Variants in RUNX1 observed in about 807,000 individuals in gnomAD.
The protein encoded by RUNX1 is RUNX family transcription factor 1, also known as runt-related transcription factor 1.
A neutral mutation model predicts 42.8 loss-of-function variants in RUNX1; 19 were observed. The observed-to-expected ratio is 0.44, with a 90% confidence interval of 0.31 to 0.65. The LOEUF (loss-of-function observed/expected upper bound fraction) is 0.65. Among genes scored for constraint, RUNX1 ranks in the 30% least tolerant of loss-of-function variants. The pLI is 0.07. For missense variants in RUNX1, 528 were observed against 672.0 expected, an observed-to-expected ratio of 0.79 and a Z score of 2.37; for synonymous variants, 271 against 289.4, an observed-to-expected ratio of 0.94 and a Z score of 0.64.
At chr21:34,880,247 T>C (rs567849097) in intron 5 of RUNX1, among the ~76,000 whole-genome samples, 2 of 152,366 alleles carry the variant, frequency 1.3e-5, no homozygotes, top group East Asian at 3.9e-4. Flanking sequence ...ATAATCCTAG[T>C]TTCATTAAAG....
chr21:35,046,760 T>C (rs1431166943), intron 2 of RUNX1, among the ~76,000 whole-genome samples: 2 of 152,174 alleles, frequency 1.3e-5, no homozygotes, highest in Non-Finnish European at 2.9e-5. Flanking sequence ...CTTGGCCCTC[T>C]GACATCAAAT....
intron 2 of RUNX1, among the ~76,000 whole-genome samples, chr21:34,904,973 G>A (rs950785144): frequency 4.8e-5 from 7 of 146,448 alleles, no homozygotes; most frequent in Non-Finnish European, 1.0e-4. Flanking sequence ...AGACTTCTAA[G>A]GAGGAAAGAA....
chr21:34,798,011 TTGTGAAGCTCTTAGAAGGCATTC>T (rs778661211), intron 8 of RUNX1: 21 of 456,348 alleles, frequency 4.6e-5, no homozygotes, highest in African/African-American at 3.4e-4. Flanking sequence ...AGTACTGCCG[TTGTGAAGCTCTTAGAAGGCATTC>T]TGTGAAGCTC....
At chr21:34,934,867 T>A (rs2058473857) in intron 2 of RUNX1, among the ~76,000 whole-genome samples, 1 of 152,172 alleles carries the variant, frequency 6.6e-6, no homozygotes, top group Admixed American at 6.5e-5. Flanking sequence ...GGAGGCTTCA[T>A]AGGTTGAAGA....
At chr21:34,882,349 T>G (rs1347372481) in intron 4 of RUNX1, among the ~76,000 whole-genome samples, 1 of 151,696 alleles carries the variant, frequency 6.6e-6, no homozygotes, top group African/African-American at 2.4e-5. Flanking sequence ...CTATGAGAGA[T>G]GAACATACTT....
chr21:34,923,282 A>G (rs1209943307), intron 2 of RUNX1, among the ~76,000 whole-genome samples: 1 of 152,204 alleles, frequency 6.6e-6, no homozygotes, highest in Non-Finnish European at 1.5e-5. Context: ...AAGATGAAAT[A>G]TCTATATTTA....
intron 7 of RUNX1, among the ~76,000 whole-genome samples, chr21:34,831,592 A>G (rs1177588616): frequency 6.6e-6 from 1 of 152,230 alleles, no homozygotes; most frequent in Non-Finnish European, 1.5e-5. Flanking sequence ...AAAGCTGAAA[A>G]ACATTCATGC....
At chr21:35,020,570 C>A (rs866763018) in intron 2 of RUNX1, among the ~76,000 whole-genome samples, 3 of 152,242 alleles carry the variant, frequency 2.0e-5, no homozygotes, top group Middle Eastern at 3.4e-3. Context: ...CATGAGCACC[C>A]ACAAACATTG....
chr21:35,032,926 C>T (rs952286552), intron 2 of RUNX1, among the ~76,000 whole-genome samples: 1 of 152,212 alleles, frequency 6.6e-6, no homozygotes, highest in African/African-American at 2.4e-5. Flanking sequence ...GCCATAAGCA[C>T]AGGACTGGTG....
chr21:34,918,371 A>G (rs1190393094), intron 2 of RUNX1, among the ~76,000 whole-genome samples: 1 of 152,102 alleles, frequency 6.6e-6, no homozygotes, highest in Non-Finnish European at 1.5e-5. Flanking sequence ...AATGTAGCTG[A>G]TCATTATCAG....
chr21:34,948,106 G>A (rs1210059920), intron 2 of RUNX1, among the ~76,000 whole-genome samples: 1 of 151,116 alleles, frequency 6.6e-6, no homozygotes, highest in African/African-American at 2.4e-5. Context: ...TTTTTGGGGG[G>A]GGGTTTCACT....
At chr21:34,980,386 G>C (rs1293228611) in intron 2 of RUNX1, among the ~76,000 whole-genome samples, 1 of 152,190 alleles carries the variant, frequency 6.6e-6, no homozygotes, top group African/African-American at 2.4e-5. Context: ...ACGTAGCCTG[G>C]GGATGGGGTA....
rs1248332792 is a variant in RUNX1 at position 34,887,251 on chromosome 21, G to GC, written c.98-156dup. On this transcript the variant is annotated intron_variant, in intron 3 of 8. Coordinates refer to ENST00000675419, the MANE Select transcript of RUNX1 (RefSeq NM_001754.5). ...TTATTACTGCGGGGGGTGGGGGGGG[G>GC]CGGGGGTGGTTAGGGGAGGAGGGAG... 13 of 943,990 alleles carry GC rather than the reference G, an allele frequency of 1.4e-5. No individual in the cohort carries two copies. In the African/African-American group the frequency reaches 2.4e-4, roughly 17 times the overall value. The allele number at this position is 943,990 out of a possible 1,614,324, so 58.5% of individuals were successfully genotyped here.
intron 2 of RUNX1, among the ~76,000 whole-genome samples, chr21:34,917,645 G>A (rs2058321537): frequency 6.6e-6 from 1 of 152,030 alleles, no homozygotes; most frequent in African/African-American, 2.4e-5. Context: ...AGATGGAAAG[G>A]TGGTCAGACA....
intron 2 of RUNX1, among the ~76,000 whole-genome samples, chr21:34,955,303 T>A (rs2058636611): frequency 6.6e-6 from 1 of 151,984 alleles, no homozygotes; most frequent in African/African-American, 2.4e-5. Flanking sequence ...TTCTAAGCAG[T>A]TGTGAGGATT....
At chr21:34,865,055 G>C (rs996580425) in intron 5 of RUNX1, among the ~76,000 whole-genome samples, 2 of 152,018 alleles carry the variant, frequency 1.3e-5, no homozygotes, top group African/African-American at 4.8e-5. Context: ...TCTGTAAAAG[G>C]GGGTTAATAA....
chr21:34,927,187 G>C (rs1352880753), intron 2 of RUNX1, among the ~76,000 whole-genome samples: 1 of 152,266 alleles, frequency 6.6e-6, no homozygotes, highest in African/African-American at 2.4e-5. Flanking sequence ...TAAAGAGCTG[G>C]AGTTTACAGG....
At position 34,859,431 on chromosome 21, in the gene RUNX1, T is replaced by G. The variant is rs952264887; in HGVS notation, c.613+43A>C. ...CCTGAGTATACCAGCCTGGAGGGTG[T>G]ACCAGCCTGGAGGGTGTACCAGCCC... On this transcript the variant is annotated intron_variant, in intron 6 of 8. Transcript: ENST00000675419. 2.2e-6 allele frequency: 3 copies of G among 1,344,950 alleles called. No individual in the cohort carries two copies. In the East Asian group the frequency reaches 6.9e-5, roughly 31 times the overall value. 83.3% of individuals were successfully genotyped at this position (1,344,950 alleles called of 1,614,324 possible). A position where few individuals can be genotyped will look rare whatever the true frequency, so the allele number is the denominator to read the frequency against.
At chr21:34,837,221 G>T (rs1484515310) in intron 6 of RUNX1, among the ~76,000 whole-genome samples, 3 of 152,110 alleles carry the variant, frequency 2.0e-5, no homozygotes, top group African/African-American at 7.2e-5. Flanking sequence ...GAGTCTCAGG[G>T]CTGAGTTTAA....
Sources: allele counts gnomAD v4.1 joint callset (sites outside exome capture counted in the v4.1 genomes callset), GRCh38; gene constraint gnomAD v4.1.1; transcripts MANE v1.5; gene names NCBI Gene and HGNC (gene_info 2026-07-23, HGNC 2026-07-21).